Variants in SLC41A2 observed in about 807,000 individuals in gnomAD.
SLC41A2 encodes solute carrier family 41 member 2.
In SLC41A2, 32 loss-of-function variants were observed where a neutral mutation model predicts 58.3. That is an observed-to-expected ratio of 0.55 (90% confidence interval 0.41 to 0.74). The LOEUF (loss-of-function observed/expected upper bound fraction) is 0.74, where lower values mean the gene tolerates loss of function less well. SLC41A2 is among the 30% of genes least tolerant of loss of function. The pLI is 0.00. For synonymous variants in SLC41A2, 190 were observed against 235.0 expected, an observed-to-expected ratio of 0.81 and a Z score of 1.75; for missense variants, 514 against 680.6, an observed-to-expected ratio of 0.76 and a Z score of 2.72.
intron 10 of SLC41A2, chr12:104,833,926 G>A: frequency 5.6e-6 from 4 of 720,612 alleles, no homozygotes; most frequent in Non-Finnish European, 6.8e-6. Flanking sequence ...TGTAGATGAT[G>A]TGAAAATTCC....
chr12:104,944,519 A>G (rs1025101433), intron 1 of SLC41A2, among the ~76,000 whole-genome samples: 5 of 152,242 alleles, frequency 3.3e-5, no homozygotes, highest in African/African-American at 7.2e-5. Context: ...TCTTGGCATC[A>G]AGTTGAAACA....
At chr12:104,849,152 AATAG>A (rs2042715135) in intron 8 of SLC41A2, among the ~76,000 whole-genome samples, 1 of 152,214 alleles carries the variant, frequency 6.6e-6, no homozygotes, top group African/African-American at 2.4e-5. Context: ...TTTTTAACAA[AATAG>A]ATAAATTACA....
At chr12:104,840,188 A>G (rs760283681) in intron 10 of SLC41A2, among the ~76,000 whole-genome samples, 6 of 152,220 alleles carry the variant, frequency 3.9e-5, no homozygotes, top group Non-Finnish European at 8.8e-5. Flanking sequence ...CAAACTTGGA[A>G]TCCCATATTA....
At chr12:104,905,549 G>A (rs1015874906) in intron 3 of SLC41A2, among the ~76,000 whole-genome samples, 6 of 152,234 alleles carry the variant, frequency 3.9e-5, no homozygotes, top group Non-Finnish European at 7.3e-5. Context: ...GGGACTGGGC[G>A]CCGTGGAGCA....
intron 6 of SLC41A2, among the ~76,000 whole-genome samples, chr12:104,869,215 A>T (rs1218195245): frequency 6.6e-6 from 1 of 152,180 alleles, no homozygotes; most frequent in Non-Finnish European, 1.5e-5. Context: ...GATCACGGTG[A>T]TCCTTGTACA....
chr12:104,915,125 A>G lies in SLC41A2; in HGVS notation c.556-5363T>C, dbSNP rs550288228. The stretch of plus-strand genomic sequence containing the variant: ...ACATAATGTCAGATTACTTACATAA[A>G]TAATAGACTCAAAACCTAAAAATCT... On this transcript the variant is annotated intron_variant, in intron 2 of 10. Transcript: ENST00000258538. 9.3e-4 allele frequency among the ~76,000 whole-genome samples: 141 copies of G among 152,378 alleles called. 1 individual carries two copies. Among genetic ancestry groups the G allele is most frequent in the Middle Eastern group, 6.8e-3 (2 of 294 alleles).
At chr12:104,860,752 A>AT (rs999209787) in intron 8 of SLC41A2, among the ~76,000 whole-genome samples, 2 of 151,614 alleles carry the variant, frequency 1.3e-5, no homozygotes, top group Non-Finnish European at 2.9e-5. Context: ...TAATTTTTGA[A>AT]TTTTTTATAG....
chr12:104,940,949 A>AG (rs1267860830), intron 1 of SLC41A2, among the ~76,000 whole-genome samples: 1 of 151,786 alleles, frequency 6.6e-6, no homozygotes, highest in East Asian at 1.9e-4. Flanking sequence ...AAAAAAAAAA[A>AG]AAAAAAGTTA....
chr12:104,909,800 CT>C (rs758979978), intron 2 of SLC41A2, 38 bp from the exon 3 acceptor site: 2 of 1,387,746 alleles, frequency 1.4e-6, no homozygotes, highest in Non-Finnish European at 2.0e-6. Flanking sequence ...TTCTGGCACT[CT>C]TTAAAAAATA....
Position 104,886,417 on chromosome 12 carries a change from G to A in SLC41A2, c.903C>T (p.Ile301=), listed in dbSNP as rs188834253. ...TTATACCAGTCTTCTTTGAACCAAC[G>A]ATAACCCCAACCATTATTATTCCTA... ...LLQGIIMVGV[I]VGSKKTGINP... is the part of the protein sequence containing the mutation. Residue 301 remains isoleucine, a synonymous_variant, in exon 6 of 11, where the codon ATC becomes ATT. Transcript: ENST00000258538. 1.2e-4 allele frequency: 198 copies of A among 1,613,200 alleles called. No homozygotes were observed. The East Asian group carries it at 4.2e-3, about 34-fold the overall frequency.
At chr12:104,918,656 A>C (rs552386966) in intron 2 of SLC41A2, among the ~76,000 whole-genome samples, 2 of 151,294 alleles carry the variant, frequency 1.3e-5, no homozygotes, top group Admixed American at 6.6e-5. Flanking sequence ...AACTAAAAAC[A>C]GTCATTTCTA....
At position 104,803,587 on chromosome 12, in the gene SLC41A2, T is replaced by C. The variant is rs988513069; in HGVS notation, c.*1565A>G. ...TCATGATGATCAAAGTTAATGTGCA[T>C]TTTGATACCCTTATCAGCTTAAATT... On this transcript the variant is annotated 3_prime_UTR_variant, in exon 11 of 11. Coordinates refer to ENST00000258538, the MANE Select transcript of SLC41A2 (RefSeq NM_001352171.3). 6.6e-6 allele frequency: 1 copy of C among 152,182 alleles called. No individual in the cohort carries two copies. The highest frequency in any genetic ancestry group is 1.5e-5 in the Non-Finnish European group (1 of 68,022). The allele number at this position is 152,182 out of a possible 1,614,324, so 9.4% of individuals were successfully genotyped here.
At chr12:104,852,747 G>T (rs1234798299) in intron 8 of SLC41A2, among the ~76,000 whole-genome samples, 3 of 152,024 alleles carry the variant, frequency 2.0e-5, no homozygotes, top group Non-Finnish European at 4.4e-5. Flanking sequence ...TATTGAAGGG[G>T]CTAATTAAAG....
At chr12:104,886,269 A>G in intron 6 of SLC41A2, 24 bp downstream of exon 6, 1 of 1,608,594 alleles carries the variant, frequency 6.2e-7, no homozygotes, top group African/African-American at 1.3e-5. Flanking sequence ...ACAACACACA[A>G]TATTTAGTTT....
At chr12:104,861,105 G>A (rs2043198258) in intron 8 of SLC41A2, among the ~76,000 whole-genome samples, 186 bp downstream of exon 8, 1 of 152,142 alleles carries the variant, frequency 6.6e-6, no homozygotes, top group African/African-American at 2.4e-5. Context: ...TTTCAGAAAT[G>A]TATTCTGCCT....
chr12:104,853,914 T>TTATTATTATTATTATTA (rs2042910944), intron 8 of SLC41A2, among the ~76,000 whole-genome samples: 1 of 29,246 alleles, frequency 3.4e-5, no homozygotes. Flanking sequence ...CTGGCTGATT[T>TTATTATTATTATTATTA]TTTTTTTTTT....
At chr12:104,881,047 G>T (rs2044341784) in intron 6 of SLC41A2, among the ~76,000 whole-genome samples, 1 of 152,114 alleles carries the variant, frequency 6.6e-6, no homozygotes, top group East Asian at 1.9e-4. Context: ...GTCTTGGGAG[G>T]GTGTATGTGT....
intron 6 of SLC41A2, among the ~76,000 whole-genome samples, chr12:104,880,936 G>C (rs186259566): frequency 3.9e-5 from 6 of 152,080 alleles, no homozygotes; most frequent in African/African-American, 1.4e-4. Flanking sequence ...CTGTGAATCC[G>C]TCTGGTCCTG....
At chr12:104,905,021 G>A (rs1437527615) in intron 3 of SLC41A2, among the ~76,000 whole-genome samples, 1 of 151,976 alleles carries the variant, frequency 6.6e-6, no homozygotes, top group East Asian at 1.9e-4. Context: ...GAGCCGAGTG[G>A]CCTGTTTTGT....
Sources: allele counts gnomAD v4.1 joint callset (sites outside exome capture counted in the v4.1 genomes callset), GRCh38; gene constraint gnomAD v4.1.1; transcripts MANE v1.5; gene names NCBI Gene and HGNC (gene_info 2026-07-23, HGNC 2026-07-21).